NEO1: variants seen among roughly 807,000 people sequenced by gnomAD.
NEO1 encodes neogenin 1.
Under a neutral mutation model 159.7 loss-of-function variants are expected in NEO1, and 63 were observed. The observed-to-expected ratio is 0.39, with a 90% confidence interval of 0.32 to 0.49. NEO1 has a LOEUF of 0.49. Ranked by LOEUF, NEO1 falls within the 20% of genes least tolerant of loss-of-function variation. The pLI, the probability that NEO1 is intolerant of heterozygous loss-of-function variation, is 0.85. For missense variants in NEO1, 1,615 were observed against 1,831.0 expected (o/e 0.88, Z 2.15); for synonymous variants, 633 against 662.0 (o/e 0.96, Z 0.67).
intron 5 of NEO1, among the ~76,000 whole-genome samples, chr15:73,174,738 T>C (rs1596258157): frequency 6.6e-6 from 1 of 152,120 alleles, no homozygotes; most frequent in Admixed American, 6.6e-5. Context: ...CTCTTATATA[T>C]AGATAAGAAA....
rs565173002 is a variant in NEO1 at position 73,068,661 on chromosome 15, T to C, written c.130+15856T>C. Among the ~76,000 whole-genome samples, 33 of 152,204 alleles carry C rather than the reference T, an allele frequency of 2.2e-4. No homozygotes were observed. The South Asian group carries it at 2.5e-3, about 11-fold the overall frequency. Reference sequence around the variant, plus strand: ...GAGGTACAGATTTTCCCCCTTGGTGTTTTTATTTATTAATTTTTTAAAAAT... The same window carrying C: ...GAGGTACAGATTTTCCCCCTTGGTGCTTTTATTTATTAATTTTTTAAAAAT... On this transcript the variant is annotated intron_variant, in intron 1 of 28. Transcript: ENST00000261908.
intron 21 of NEO1, among the ~76,000 whole-genome samples, chr15:73,276,949 T>C (rs2041452509): frequency 6.6e-6 from 1 of 152,222 alleles, no homozygotes. Flanking sequence ...TAGGAGTGGT[T>C]AACATTTATG....
chr15:73,255,558 A>G (rs1179165372), intron 13 of NEO1: 2 of 152,230 alleles, frequency 1.3e-5, no homozygotes, highest in Non-Finnish European at 2.9e-5. Flanking sequence ...GATCATGCCT[A>G]CGAAGAATTG....
chr15:73,224,318 A>G (rs1330016589), intron 7 of NEO1, among the ~76,000 whole-genome samples: 1 of 152,186 alleles, frequency 6.6e-6, no homozygotes, highest in Admixed American at 6.5e-5. Context: ...TGAATTTCCC[A>G]GGTGTTTTTT....
chr15:73,250,782 C>A (rs1449567680), intron 11 of NEO1, among the ~76,000 whole-genome samples: 1 of 151,972 alleles, frequency 6.6e-6, no homozygotes, highest in Non-Finnish European at 1.5e-5. Context: ...TATGTATGAT[C>A]TTTGGATCCT....
intron 7 of NEO1, among the ~76,000 whole-genome samples, chr15:73,224,223 G>A (rs1411439057): frequency 1.3e-5 from 2 of 152,152 alleles, no homozygotes; most frequent in Non-Finnish European, 2.9e-5. Flanking sequence ...CTGTCTCACA[G>A]CTCTTAAGAT....
intron 1 of NEO1, among the ~76,000 whole-genome samples, chr15:73,056,201 C>T (rs1425264909): frequency 6.6e-6 from 1 of 152,256 alleles, no homozygotes; most frequent in Non-Finnish European, 1.5e-5. Context: ...CTAACATGCA[C>T]CTTGCATTCC....
rs142170144 is a variant in NEO1, at chr15:73,053,893, A to G, written c.130+1088A>G. Among the ~76,000 whole-genome samples the G allele has an allele frequency of 2.0e-3, 309 of 152,364 alleles. 1 individual carries two copies. The highest frequency in any genetic ancestry group is 3.4e-3 in the Non-Finnish European group (232 of 68,034). Reference sequence around the variant, plus strand: ...TGTTTTTCCCTGATTTATATGAAATAATATTTAAAATCACACTGCAAGGTA... The same window carrying G: ...TGTTTTTCCCTGATTTATATGAAATGATATTTAAAATCACACTGCAAGGTA... On this transcript the variant is annotated intron_variant, in intron 1 of 28. Coordinates refer to ENST00000261908, the MANE Select transcript of NEO1 (RefSeq NM_002499.4).
At chr15:73,206,405 A>G (rs1567478748) in intron 7 of NEO1, among the ~76,000 whole-genome samples, 2 of 152,002 alleles carry the variant, frequency 1.3e-5, no homozygotes, top group African/African-American at 4.8e-5. Context: ...GATTATCCCT[A>G]TATTAGGTTG....
rs2042470707 is a variant in NEO1, at chr15:73,298,588, G to A, written c.4142G>A (p.Ser1381Asn). ...GPPTYDPALP[S>N]TPLLSQQALN... The stretch of plus-strand genomic sequence containing the variant: ...CCCACCTATGATCCTGCATTGCCAA[G>A]CACACCATTACTGTCCCAGCAAGGT... The change falls in exon 27 of 29, where the codon AGC becomes AAC. Residue 1381 changes from serine to asparagine, a missense_variant. Around this residue, in one of 3 missense-constraint regions of NEO1, gnomAD observed 471 missense variants for 498.9 expected, o/e 0.94. Transcript: ENST00000261908. 1 of 1,614,178 alleles carries A rather than the reference G, an allele frequency of 6.2e-7. No homozygotes were observed. Among genetic ancestry groups the A allele is most frequent in the South Asian group, 1.1e-5 (1 of 91,084 alleles).
chr15:73,133,840 A>C (rs2031432275), intron 4 of NEO1, among the ~76,000 whole-genome samples: 1 of 152,138 alleles, frequency 6.6e-6, no homozygotes, highest in Admixed American at 6.5e-5. Flanking sequence ...GCCTTTTTTT[A>C]AAGGGAGTAA....
chr15:73,217,095 C>T (rs375812166), intron 7 of NEO1, among the ~76,000 whole-genome samples: 2 of 151,770 alleles, frequency 1.3e-5, no homozygotes, highest in Non-Finnish European at 2.9e-5. Context: ...CCATCTTGAA[C>T]TGATTTTTGT....
intron 7 of NEO1, among the ~76,000 whole-genome samples, chr15:73,199,788 C>T (rs148529369): frequency 0.014 from 2,072 of 152,298 alleles, 19 homozygotes; most frequent in South Asian, 0.017. Flanking sequence ...TTACCACACT[C>T]TGTAAGAGTC....
chr15:73,199,295 A>G (rs575059402), intron 7 of NEO1, among the ~76,000 whole-genome samples: 2 of 151,582 alleles, frequency 1.3e-5, no homozygotes, highest in Admixed American at 1.3e-4. Context: ...TCTCAACGTG[A>G]CTTATCACTA....
At chr15:73,231,354 T>C (rs953548378) in intron 7 of NEO1, among the ~76,000 whole-genome samples, 1 of 152,276 alleles carries the variant, frequency 6.6e-6, no homozygotes, top group Non-Finnish European at 1.5e-5. Flanking sequence ...TAATATATAG[T>C]GTGTTCTCTG....
At chr15:73,234,883 C>T (rs950651227) in intron 7 of NEO1, among the ~76,000 whole-genome samples, 3 of 152,224 alleles carry the variant, frequency 2.0e-5, no homozygotes, top group African/African-American at 7.2e-5. Context: ...CACTCCACCA[C>T]TCATTCTCTG....
rs759017663 is a variant in NEO1 at position 73,288,335 on chromosome 15, G to T, written c.3433G>T (p.Val1145Leu). The T allele has an allele frequency of 6.2e-7, 1 of 1,613,544 alleles. No homozygotes were observed. The highest frequency in any genetic ancestry group is 1.1e-5 in the South Asian group (1 of 91,074). The change falls in exon 24 of 29, where the codon GTG becomes TTG. Residue 1145 changes from valine to leucine, a missense_variant. Coordinates refer to ENST00000261908, the MANE Select transcript of NEO1 (RefSeq NM_002499.4). The stretch of plus-strand genomic sequence containing the variant: ...TAGGAAACGAGCTGCCTGCAAATCA[G>T]TGAATGGCTCTCATAAGTACAAAGG... ...QKKKRAACKSVNGSHKYKGNS... is the reference protein window; with the variant it reads ...QKKKRAACKSLNGSHKYKGNS...
chr15:73,282,750 C>T (rs2041783870), intron 22 of NEO1, among the ~76,000 whole-genome samples: 1 of 152,172 alleles, frequency 6.6e-6, no homozygotes, highest in African/African-American at 2.4e-5. Context: ...TTTGAGCAGG[C>T]TCTGTCCTGA....
intron 25 of NEO1, among the ~76,000 whole-genome samples, chr15:73,289,589 T>G (rs1308728781): frequency 6.6e-6 from 1 of 152,112 alleles, no homozygotes; most frequent in Non-Finnish European, 1.5e-5. Context: ...TGTTACAAGT[T>G]TTCATTACGC....
Sources: gnomAD v4.1 joint callset for allele counts (sites outside exome capture counted in the v4.1 genomes callset) on GRCh38, gnomAD v4.1.1 for gene constraint, gnomAD v4.1.1 regional missense constraint, MANE v1.5 for transcripts, NCBI Gene and HGNC (gene_info 2026-07-23, HGNC 2026-07-21) for gene names.